The following EFCAB6 variants were observed in gnomAD, a reference collection of about 807,000 sequenced individuals.
EFCAB6 encodes the protein EF-hand calcium binding domain 6.
EFCAB6 carries 156 observed loss-of-function variants against 169.8 expected under a neutral mutation model. The observed-to-expected ratio is 0.92, with a 90% CI of 0.81 to 1.05. The LOEUF is 1.05. Among genes scored for constraint, EFCAB6 ranks in the 50% least tolerant of loss-of-function variants. EFCAB6 has a pLI of 0.00. For missense variants in EFCAB6, 1,800 were observed against 1,829.1 expected, an observed-to-expected ratio of 0.98 and a Z score of 0.29; for synonymous variants, 698 against 676.4, an observed-to-expected ratio of 1.03 and a Z score of -0.50.
At chr22:43,769,446 A>C (rs2061405687) in intron 4 of EFCAB6, among the ~76,000 whole-genome samples, 1 of 152,226 alleles carries the variant, frequency 6.6e-6, no homozygotes, top group Admixed American at 6.5e-5. Flanking sequence ...TATGAAAAAC[A>C]CCAATTTATA....
At chr22:43,717,113 G>C in intron 8 of EFCAB6, 141 bp from the exon 9 acceptor site, 3 of 1,121,742 alleles carry the variant, frequency 2.7e-6, no homozygotes, top group Non-Finnish European at 3.5e-6. Flanking sequence ...CTGATTAATG[G>C]TGTTGAAATA....
At chr22:43,540,012 C>T in intron 28 of EFCAB6, 115 bp downstream of exon 28, 1 of 1,161,662 alleles carries the variant, frequency 8.6e-7, no homozygotes, top group Non-Finnish European at 1.2e-6. Flanking sequence ...CCAGACTCAC[C>T]CGTCTTCTCA....
chr22:43,645,858 A>AAC (rs35326903), intron 17 of EFCAB6, among the ~76,000 whole-genome samples: 45,984 of 151,886 alleles, frequency 0.3, 8,031 homozygotes, highest in African/African-American at 0.49. Context: ...AAACTAAAAA[A>AAC]AAAAACAAAA....
chr22:43,636,068 G>A (rs914179068), intron 17 of EFCAB6, among the ~76,000 whole-genome samples: 2 of 152,192 alleles, frequency 1.3e-5, no homozygotes, highest in South Asian at 2.1e-4. Flanking sequence ...CTTCAGAAAA[G>A]AACACAGAAT....
chr22:43,585,563 G>A (rs533216710), intron 24 of EFCAB6, among the ~76,000 whole-genome samples: 1 of 152,096 alleles, frequency 6.6e-6, no homozygotes, highest in Non-Finnish European at 1.5e-5. Context: ...AACAAAACAA[G>A]AGAACAAACA....
In EFCAB6 at chr22:43,528,825, C is replaced by A. The variant is rs761593651; in HGVS notation, c.*28G>T. ...GCCTTGAAACAGGCCCTGTGGCTGT[C>A]GTCCCGCTGGGCACACAGCAGGGGT... On this transcript the variant is annotated 3_prime_UTR_variant, in exon 32 of 32. Coordinates refer to ENST00000262726, the MANE Select transcript of EFCAB6 (RefSeq NM_022785.4). The A allele has an allele frequency of 6.4e-7, 1 of 1,570,918 alleles. No homozygotes were observed. The highest frequency in any genetic ancestry group is 1.1e-5 in the South Asian group (1 of 87,832).
At chr22:43,632,291 C>CTTCTTT in intron 18 of EFCAB6, 53 bp from the exon 19 acceptor site, 2 of 1,316,692 alleles carry the variant, frequency 1.5e-6, no homozygotes, top group East Asian at 5.1e-5. Flanking sequence ...AGCTTCATTC[C>CTTCTTT]TTCTTTTTTT....
chr22:43,551,850 C>CAA (rs1032394992), intron 27 of EFCAB6: 10 of 143,698 alleles, frequency 7.0e-5, no homozygotes, highest in African/African-American at 2.6e-4. Flanking sequence ...TTTTTTGAGA[C>CAA]AGAGTCTTGC....
intron 26 of EFCAB6, among the ~76,000 whole-genome samples, chr22:43,566,880 C>T (rs954135096): frequency 6.6e-6 from 1 of 152,244 alleles, no homozygotes; most frequent in Non-Finnish European, 1.5e-5. Context: ...CCTCGGCTCT[C>T]CAGACAGAAC....
intron 30 of EFCAB6, among the ~76,000 whole-genome samples, chr22:43,532,540 C>G (rs931009499): frequency 6.6e-6 from 1 of 151,454 alleles, no homozygotes; most frequent in Non-Finnish European, 1.5e-5. Context: ...AGTCTTTTCT[C>G]TGTGCACAGA....
chr22:43,618,124 AAAAG>A (rs528078655), intron 20 of EFCAB6, among the ~76,000 whole-genome samples: 108 of 136,514 alleles, frequency 7.9e-4, no homozygotes, highest in Middle Eastern at 3.6e-3. Context: ...TCAAAAAAAA[AAAAG>A]AAAGAGACAG....
At chr22:43,792,867 G>A (rs888326879) in intron 2 of EFCAB6, among the ~76,000 whole-genome samples, 1 of 152,208 alleles carries the variant, frequency 6.6e-6, no homozygotes, top group Non-Finnish European at 1.5e-5. Flanking sequence ...AAGAGCAGCC[G>A]AAAGTCACTG....
chr22:43,645,684 C>T (rs1432232819), intron 17 of EFCAB6, among the ~76,000 whole-genome samples: 2 of 151,982 alleles, frequency 1.3e-5, no homozygotes, highest in Admixed American at 6.6e-5. Flanking sequence ...CGTATATTTC[C>T]GCATTGTGCA....
intron 25 of EFCAB6, among the ~76,000 whole-genome samples, chr22:43,580,153 G>A (rs1412100018): frequency 6.6e-6 from 1 of 152,130 alleles, no homozygotes; most frequent in South Asian, 2.1e-4. Flanking sequence ...GTGCCTGGCT[G>A]CGTTGAGAGC....
rs2050773561 is a variant in EFCAB6 at position 43,582,255 on chromosome 22, T to C, written c.3033-1596A>G. On this transcript the variant is annotated intron_variant, in intron 24 of 31. Coordinates refer to ENST00000262726, the MANE Select transcript of EFCAB6 (RefSeq NM_022785.4). ...ATATGAATTCTTGTTCAGCTGGAAA[T>C]AGATTCAGTGAAAAGAGATCCTGTT... 1.3e-5 allele frequency among the ~76,000 whole-genome samples: 2 copies of C among 152,132 alleles called. 1 individual carries two copies. Among genetic ancestry groups the C allele is most frequent in the South Asian group, 4.2e-4 (2 of 4,814 alleles).
intron 2 of EFCAB6, among the ~76,000 whole-genome samples, chr22:43,805,930 C>T (rs767045862): frequency 1.3e-5 from 2 of 151,944 alleles, no homozygotes; most frequent in South Asian, 2.1e-4. Context: ...TTTGGGAGGC[C>T]GAGGTGGGCA....
intron 21 of EFCAB6, 107 bp downstream of exon 21, chr22:43,615,719 T>G: frequency 2.2e-6 from 2 of 895,072 alleles, no homozygotes; most frequent in Non-Finnish European, 1.7e-6. Context: ...GTACACAGAG[T>G]TGTTTTCCCA....
At chr22:43,774,279 A>G (rs1405742778) in intron 3 of EFCAB6, among the ~76,000 whole-genome samples, 1 of 151,028 alleles carries the variant, frequency 6.6e-6, no homozygotes, top group Non-Finnish European at 1.5e-5. Flanking sequence ...ACCCACCCAG[A>G]GGGCAGGCTA....
chr22:43,785,868 G>A (rs1025287053), intron 2 of EFCAB6, among the ~76,000 whole-genome samples: 1 of 152,072 alleles, frequency 6.6e-6, no homozygotes, highest in Non-Finnish European at 1.5e-5. Flanking sequence ...ATACACAACT[G>A]TATGCTAACA....
Sources: allele counts gnomAD v4.1 joint callset (sites outside exome capture counted in the v4.1 genomes callset), GRCh38; gene constraint gnomAD v4.1.1; transcripts MANE v1.5; gene names NCBI Gene and HGNC (gene_info 2026-07-23, HGNC 2026-07-21).